The following RALGAPB variants were observed in gnomAD, a reference collection of about 807,000 sequenced individuals.
RALGAPB encodes the protein Ral GTPase activating protein non-catalytic subunit beta.
RALGAPB carries 25 observed loss-of-function variants against 161.1 expected under a neutral mutation model. The ratio of observed to expected loss-of-function variants is 0.16; its 90% CI spans 0.11 to 0.22. The LOEUF is 0.22. Ranked by LOEUF, RALGAPB falls within the 10% of genes least tolerant of loss-of-function variation. RALGAPB has a pLI of 1.00. For missense variants in RALGAPB, 1,391 were observed against 1,815.2 expected (o/e 0.77, Z 4.25); for synonymous variants, 629 against 626.1 (o/e 1.00, Z -0.07).
At chr20:38,565,568 T>G in intron 25 of RALGAPB, 90 bp downstream of exon 25, 4 of 1,446,438 alleles carry the variant, frequency 2.8e-6, no homozygotes, top group Middle Eastern at 3.6e-4. Context: ...GATTTTGAAG[T>G]GATCTAAGGC....
intron 5 of RALGAPB, among the ~76,000 whole-genome samples, chr20:38,508,514 A>G (rs750973678): frequency 2.0e-5 from 3 of 152,174 alleles, no homozygotes; most frequent in Non-Finnish European, 2.9e-5. Context: ...GAGAATTACT[A>G]TATAAAAGAT....
chr20:38,554,256 G>A (rs2087498651), intron 22 of RALGAPB, among the ~76,000 whole-genome samples, 180 bp downstream of exon 22: 1 of 151,768 alleles, frequency 6.6e-6, no homozygotes, highest in African/African-American at 2.4e-5. Flanking sequence ...TGTGCTCCAG[G>A]ACAGGTCACC....
chr20:38,475,791 A>G (rs1419994100), intron 1 of RALGAPB, among the ~76,000 whole-genome samples: 2 of 151,668 alleles, frequency 1.3e-5, no homozygotes, highest in Non-Finnish European at 2.9e-5. Context: ...ATTTTTTTGT[A>G]TTTTTAGTTG....
At chr20:38,565,530 G>T in intron 25 of RALGAPB, 52 bp downstream of exon 25, 1 of 1,583,534 alleles carries the variant, frequency 6.3e-7, no homozygotes, top group East Asian at 2.2e-5. Context: ...TATATTCCTG[G>T]GTTGTGTGAT....
At chr20:38,571,857 G>A (rs995030915) in intron 28 of RALGAPB, among the ~76,000 whole-genome samples, 16 of 152,008 alleles carry the variant, frequency 1.1e-4, no homozygotes, top group Non-Finnish European at 2.9e-5. Context: ...CCACATTCTC[G>A]CCAACACTTG....
At chr20:38,573,684 A>G (rs1314935136) in intron 28 of RALGAPB, 1 of 152,222 alleles carries the variant, frequency 6.6e-6, no homozygotes, top group Non-Finnish European at 1.5e-5. Flanking sequence ...TCATGGGCCG[A>G]AGCTGTGTTC....
rs1293982850 is a variant in RALGAPB at position 38,541,128 on chromosome 20, G to A, written c.2650G>A (p.Gly884Arg). Residue 884 changes from glycine to arginine, a missense_variant, in exon 18 of 30, where the codon GGA (glycine) becomes AGA (arginine). Around this residue, in one of 3 missense-constraint regions of RALGAPB, gnomAD observed 946 missense variants for 1,257.2 expected, o/e 0.75. Coordinates refer to ENST00000262879, the MANE Select transcript of RALGAPB (RefSeq NM_020336.4). Reference protein sequence around the residue: ...KNNEQEVKYKGDKEPNPASMR... With the variant: ...KNNEQEVKYKRDKEPNPASMR... The stretch of plus-strand genomic sequence containing the variant: ...CAATGAGCAAGAGGTCAAGTACAAA[G>A]GAGATAAGGAGCCAAACCCTGCATC... 1 of 1,614,126 alleles carries A rather than the reference G, an allele frequency of 6.2e-7. No homozygotes were observed. The highest frequency in any genetic ancestry group is 1.7e-5 in the Admixed American group (1 of 60,018).
At chr20:38,481,125 G>C (rs2084955060) in intron 1 of RALGAPB, among the ~76,000 whole-genome samples, 1 of 152,064 alleles carries the variant, frequency 6.6e-6, no homozygotes, top group Non-Finnish European at 1.5e-5. Context: ...CAATTCGTAT[G>C]CTCTGTATCT....
intron 1 of RALGAPB, among the ~76,000 whole-genome samples, chr20:38,481,973 G>A (rs1212573253): frequency 4.6e-5 from 7 of 152,044 alleles, no homozygotes; most frequent in Admixed American, 3.9e-4. Flanking sequence ...GTTGACTCTC[G>A]TACATCATAA....
chr20:38,543,918 C>G (rs2087063530), intron 18 of RALGAPB, among the ~76,000 whole-genome samples: 1 of 152,188 alleles, frequency 6.6e-6, no homozygotes. Context: ...TACATGTGAT[C>G]CGTGCTAGTG....
intron 5 of RALGAPB, among the ~76,000 whole-genome samples, chr20:38,501,379 AGGT>A (rs1239031682): frequency 1.3e-5 from 2 of 152,190 alleles, no homozygotes; most frequent in Admixed American, 1.3e-4. Context: ...TGGGAGTACG[AGGT>A]GGGCAGATTA....
intron 25 of RALGAPB, among the ~76,000 whole-genome samples, chr20:38,566,714 ATAATTCAGAGAG>A (rs1359267334): frequency 6.6e-6 from 1 of 152,222 alleles, no homozygotes; most frequent in African/African-American, 2.4e-5. Context: ...TATAATCTAA[ATAATTCAGAGAG>A]TAATAATGGC....
chr20:38,562,748 GT>G (rs11479954), intron 24 of RALGAPB, 51 bp downstream of exon 24: 17,880 of 1,170,408 alleles, frequency 0.015, 145 homozygotes, highest in African/African-American at 0.079. Flanking sequence ...TGTTAGTCTT[GT>G]TTTTTTTTTT....
chr20:38,514,683 A>G (rs2086074108), intron 6 of RALGAPB, among the ~76,000 whole-genome samples: 1 of 152,206 alleles, frequency 6.6e-6, no homozygotes, highest in South Asian at 2.1e-4. Context: ...CAGGAAAACC[A>G]AAAAATATTT....
At chr20:38,474,311 A>G (rs564316470) in intron 1 of RALGAPB, among the ~76,000 whole-genome samples, 70 of 151,880 alleles carry the variant, frequency 4.6e-4, no homozygotes, top group Middle Eastern at 3.4e-3. Context: ...TTTTTTTTAG[A>G]CAGAGTCTTG....
At chr20:38,540,744 CT>C (rs2086940281) in intron 17 of RALGAPB, among the ~76,000 whole-genome samples, 1 of 152,056 alleles carries the variant, frequency 6.6e-6, no homozygotes, top group Non-Finnish European at 1.5e-5. Context: ...ACTATTTAAT[CT>C]CTTAGATTTG....
In RALGAPB at chr20:38,517,623, C is replaced by G. The variant is rs551084061; in HGVS notation, c.1169C>G (p.Thr390Ser). 5.6e-6 allele frequency: 9 copies of G among 1,613,868 alleles called. No individual in the cohort carries two copies. In the East Asian group the frequency reaches 2.0e-4, roughly 36 times the overall value. ...PPHNRRHRAV[T>S]VNKATMKTST... is the part of the protein sequence containing the mutation. ...CATAACCGGAGGCACCGGGCTGTTA[C>G]TGTGAATAAGGCCACCATGAAGACA... Residue 390 changes from threonine (T) to serine (S), a missense_variant, in exon 8 of 30, where the codon ACT becomes AGT. Transcript: ENST00000262879.
chr20:38,502,119 C>T (rs1477733648), intron 5 of RALGAPB, among the ~76,000 whole-genome samples: 3 of 152,116 alleles, frequency 2.0e-5, no homozygotes, highest in Non-Finnish European at 4.4e-5. Context: ...ATAAAATTAA[C>T]TCTGGTACAT....
intron 29 of RALGAPB, 86 bp from the exon 30 acceptor site, chr20:38,574,688 C>T (rs905881850): frequency 1.1e-5 from 15 of 1,307,458 alleles, no homozygotes; most frequent in African/African-American, 7.4e-5. Context: ...TTTGAGTATG[C>T]GGAGAATAGT....
Sources: gnomAD v4.1 joint callset for allele counts (sites outside exome capture counted in the v4.1 genomes callset) on GRCh38, gnomAD v4.1.1 for gene constraint, gnomAD v4.1.1 regional missense constraint, MANE v1.5 for transcripts, NCBI Gene and HGNC (gene_info 2026-07-23, HGNC 2026-07-21) for gene names.